Variants in DPP9 observed in about 807,000 individuals in gnomAD.
DPP9 encodes dipeptidyl peptidase 9, also known as dipeptidyl peptidase IV-related protein-2.
In DPP9, 50 loss-of-function variants were observed where a neutral mutation model predicts 110.7. The ratio of observed to expected loss-of-function variants is 0.45; its 90% confidence interval spans 0.36 to 0.57. The LOEUF is 0.57. DPP9 is among the 20% of genes least tolerant of loss of function. The pLI is 0.00. For synonymous variants in DPP9, 561 were observed against 514.4 expected, an observed-to-expected ratio of 1.09 and a Z score of -1.23; for missense variants, 1,022 against 1,217.9, an observed-to-expected ratio of 0.84 and a Z score of 2.39.
chr19:4,684,544 G>A lies in DPP9; in HGVS notation c.2178+119C>T. ...GCCTCATTGAGCCTGCGTCACCCCA[G>A]CCAGAAGTGCCCTTCTGCGGGTGGT... On this transcript the variant is annotated intron_variant, in intron 18 of 21. Transcript: ENST00000262960. The surrounding 1 kb of genome is among the most constrained non-coding windows in gnomAD (Gnocchi z 4.8). 8.3e-7 allele frequency: 1 copy of A among 1,207,606 alleles called. No individual in the cohort carries two copies. The highest frequency in any genetic ancestry group is 2.5e-5 in the Admixed American group (1 of 40,142). The allele number at this position is 1,207,606 out of a possible 1,614,324, so 74.8% of individuals were successfully genotyped here. A position where few individuals can be genotyped will look rare whatever the true frequency, so the allele number is the denominator to read the frequency against.
chr19:4,686,092 T>C (rs1440315205), intron 16 of DPP9: 9 of 209,458 alleles, frequency 4.3e-5, no homozygotes, highest in East Asian at 2.3e-4. Context: ...ATTAGGATGG[T>C]GGGGGTTTTT....
Position 4,676,218 on chromosome 19 carries a change from A to C in DPP9, c.*346T>G, listed in dbSNP as rs2088818298. 7.3e-6 allele frequency: 2 copies of C among 273,484 alleles called. No individual in the cohort carries two copies. The highest frequency in any genetic ancestry group is 1.4e-5 in the Non-Finnish European group (2 of 142,578). 16.9% of individuals were successfully genotyped at this position (273,484 alleles called of 1,614,324 possible). A position where few individuals can be genotyped will look rare whatever the true frequency, so the allele number is the denominator to read the frequency against. ...GCCAGGGGACTGAGAGGTCACAGGG[A>C]GCCCCAGGCGGAAGGCAGCCCGCTC... is the stretch of plus-strand genomic sequence containing the variant. On this transcript the variant is annotated 3_prime_UTR_variant, in exon 22 of 22. Transcript: ENST00000262960. This position sits in a 1 kb window ranked among gnomAD's most constrained non-coding sequence, Gnocchi z 4.0.
In DPP9 at chr19:4,702,674, G is replaced by T; in HGVS notation, c.812C>A (p.Ala271Asp). ...GAACTCTTCCTGTATGACGAAGGTGGCCACACCCGCAGACTTGGGGTCATC... is the reference window on the plus strand; with the variant it reads ...GAACTCTTCCTGTATGACGAAGGTGTCCACACCCGCAGACTTGGGGTCATC... ...VLDDPKSAGV[A>D]TFVIQEEFDR... Residue 271 changes from alanine (A) to aspartate (D), a missense_variant, in exon 8 of 22, where the codon GCC (alanine) becomes GAC (aspartate). Transcript: ENST00000262960. 6.2e-7 allele frequency: 1 copy of T among 1,602,400 alleles called. No homozygotes were observed. Among genetic ancestry groups the T allele is most frequent in the Non-Finnish European group, 8.5e-7 (1 of 1,174,962 alleles).
intron 3 of DPP9, among the ~76,000 whole-genome samples, chr19:4,716,419 T>C (rs572649901): frequency 5.6e-4 from 85 of 152,130 alleles, no homozygotes; most frequent in African/African-American, 1.6e-3. Flanking sequence ...AGGAGGATCA[T>C]GAGATCAGCA....
Position 4,688,824 on chromosome 19 carries a change from C to T in DPP9, c.1818G>A (p.Leu606=), listed in dbSNP as rs752867482. 2 of 1,499,926 alleles carry T rather than the reference C, an allele frequency of 1.3e-6. No individual in the cohort carries two copies. The highest frequency in any genetic ancestry group is 1.8e-6 in the Non-Finnish European group (2 of 1,135,568). 92.9% of individuals were successfully genotyped at this position (1,499,926 alleles called of 1,614,324 possible). The change falls in exon 16 of 22, where the codon CTG becomes CTA. Residue 606 remains leucine, a synonymous_variant. Coordinates refer to ENST00000262960, the MANE Select transcript of DPP9 (RefSeq NM_139159.5). ...STPPCVHVYK[L]SGPDDDPLHK... is the part of the protein sequence containing the mutation. ...GCAGGGGGTCGTCGTCGGGGCCGCT[C>T]AGCTTGTAGACGTGCACGCAGGGCG...
rs74585097 is a variant in DPP9, at chr19:4,718,424, G to A, written c.56+1427C>T. Reference sequence around the variant, plus strand: ...CCCTGGCTGGCGTGGGGCAAGGGGCGTATGGGGGTGGTGAGGACAGGGTCC... The same window carrying A: ...CCCTGGCTGGCGTGGGGCAAGGGGCATATGGGGGTGGTGAGGACAGGGTCC... On this transcript the variant is annotated intron_variant, in intron 3 of 21. Transcript: ENST00000262960. The surrounding 1 kb of genome is among the most constrained non-coding windows in gnomAD (Gnocchi z 4.3). Among the ~76,000 whole-genome samples the A allele has an allele frequency of 3.0e-3, 450 of 152,350 alleles. 1 individual carries two copies. Among genetic ancestry groups the A allele is most frequent in the African/African-American group, 0.01 (430 of 41,572 alleles).
rs2090411850 is a variant in DPP9, at chr19:4,684,624, A to G, written c.2178+39T>C. On this transcript the variant is annotated intron_variant, in intron 18 of 21. Coordinates refer to ENST00000262960, the MANE Select transcript of DPP9 (RefSeq NM_139159.5). The surrounding 1 kb of genome is among the most constrained non-coding windows in gnomAD (Gnocchi z 4.8). ...CACACGGCCCAGGGCTCCCTTCCCGAGACCCAAAGGACCCAGAGCAACAGG... is the reference window on the plus strand; with the variant it reads ...CACACGGCCCAGGGCTCCCTTCCCGGGACCCAAAGGACCCAGAGCAACAGG... 1.2e-6 allele frequency: 2 copies of G among 1,609,554 alleles called. No individual in the cohort carries two copies. Among genetic ancestry groups the G allele is most frequent in the East Asian group, 4.5e-5 (2 of 44,802 alleles).
rs904859764 is a variant in DPP9 at position 4,704,463 on chromosome 19, C to G, written c.427-159G>C. ...CTGGGCAGAATTGGCTGCCGGAGCC[C>G]TTGACACAGTGGGTGGCCAAAGATT... is the stretch of plus-strand genomic sequence containing the variant. On this transcript the variant is annotated intron_variant, in intron 5 of 21. Coordinates refer to ENST00000262960, the MANE Select transcript of DPP9 (RefSeq NM_139159.5). This position sits in a 1 kb window ranked among gnomAD's most constrained non-coding sequence, Gnocchi z 6.0. Among the ~76,000 whole-genome samples, 2 of 152,188 alleles carry G rather than the reference C, an allele frequency of 1.3e-5. No homozygotes were observed. Among genetic ancestry groups the G allele is most frequent in the Non-Finnish European group, 2.9e-5 (2 of 68,012 alleles).
At chr19:4,720,242 T>C (rs1017232270) in intron 2 of DPP9, among the ~76,000 whole-genome samples, 6 of 152,156 alleles carry the variant, frequency 3.9e-5, no homozygotes, top group Admixed American at 2.6e-4. Context: ...CTGCTGGAAA[T>C]AGAAGAATCC....
At position 4,718,677 on chromosome 19, in the gene DPP9, A is replaced by C. The variant is rs920872203; in HGVS notation, c.56+1174T>G. On this transcript the variant is annotated intron_variant, in intron 3 of 21. Coordinates refer to ENST00000262960, the MANE Select transcript of DPP9 (RefSeq NM_139159.5). The surrounding 1 kb of genome is among the most constrained non-coding windows in gnomAD (Gnocchi z 4.3). Reference sequence around the variant, plus strand: ...GACATTAAGTGTGTGCAGATAAGGGAAGGGACACAGATCCCCTTCAGTAAC... The same window carrying C: ...GACATTAAGTGTGTGCAGATAAGGGCAGGGACACAGATCCCCTTCAGTAAC... Among the ~76,000 whole-genome samples, 2 of 152,172 alleles carry C rather than the reference A, an allele frequency of 1.3e-5. No individual in the cohort carries two copies. Among genetic ancestry groups the C allele is most frequent in the African/African-American group, 2.4e-5 (1 of 41,450 alleles).
intron 19 of DPP9, 192 bp from the exon 20 acceptor site, chr19:4,683,030 A>G (rs2090135971): frequency 1.3e-6 from 2 of 1,518,620 alleles, no homozygotes; most frequent in South Asian, 1.2e-5. Context: ...GGGGGTGGGC[A>G]GGGCGCCACA....
rs1223469780 is a variant in DPP9 at position 4,676,309 on chromosome 19, G to A, written c.*255C>T. 15 of 526,960 alleles carry A rather than the reference G, an allele frequency of 2.8e-5. No homozygotes were observed. The highest frequency in any genetic ancestry group is 1.3e-4 in the Admixed American group (4 of 31,334). The allele number at this position is 526,960 out of a possible 1,614,324, so 32.6% of individuals were successfully genotyped here. A position where few individuals can be genotyped will look rare whatever the true frequency, so the allele number is the denominator to read the frequency against. Reference sequence around the variant, plus strand: ...TGACCTCCTCCTCCCAGAAGGCGGGGAGAGGAGGGGCTGGCCCGAGACCAC... The same window carrying A: ...TGACCTCCTCCTCCCAGAAGGCGGGAAGAGGAGGGGCTGGCCCGAGACCAC... On this transcript the variant is annotated 3_prime_UTR_variant, in exon 22 of 22. Transcript: ENST00000262960. This position sits in a 1 kb window ranked among gnomAD's most constrained non-coding sequence, Gnocchi z 4.0.
In DPP9 at chr19:4,698,953, T is replaced by C. The variant is rs968988249; in HGVS notation, c.1074+1263A>G. On this transcript the variant is annotated intron_variant, in intron 10 of 21. Transcript: ENST00000262960. This position sits in a 1 kb window ranked among gnomAD's most constrained non-coding sequence, Gnocchi z 4.2. ...GCGGGCGGATCACGAGGTCAGGAGA[T>C]TGAGACCGTCCTGGCTAACACGGTG... Among the ~76,000 whole-genome samples, 1 of 151,830 alleles carries C rather than the reference T, an allele frequency of 6.6e-6. No homozygotes were observed. Among genetic ancestry groups the C allele is most frequent in the African/African-American group, 2.4e-5 (1 of 41,302 alleles).
chr19:4,722,894 G>T (rs2093383517), intron 1 of DPP9: 1 of 281,216 alleles, frequency 3.6e-6, no homozygotes, highest in Non-Finnish European at 6.8e-6. Flanking sequence ...AAGACCAGGG[G>T]GTGGGGGCCA....
In DPP9 at chr19:4,694,863, G is replaced by A. The variant is rs765906808; in HGVS notation, c.1354-40C>T. The A allele has an allele frequency of 3.1e-6, 5 of 1,604,290 alleles. No homozygotes were observed. In the South Asian group the frequency reaches 3.3e-5, roughly 11 times the overall value. ...GATAGAAGATGCGTCAGAAGGTGTG[G>A]GTGGCCGGGCATGGTGGCTCACACC... On this transcript the variant is annotated intron_variant, in intron 12 of 21. Transcript: ENST00000262960. This position sits in a 1 kb window ranked among gnomAD's most constrained non-coding sequence, Gnocchi z 4.0.
At position 4,716,376 on chromosome 19, in the gene DPP9, G is replaced by A. The variant is rs148655867; in HGVS notation, c.57-2039C>T. Among the ~76,000 whole-genome samples, 1,051 of 152,296 alleles carry A rather than the reference G, an allele frequency of 6.9e-3. 12 individuals carry two copies. Among genetic ancestry groups the A allele is most frequent in the African/African-American group, 0.024 (995 of 41,566 alleles). On this transcript the variant is annotated intron_variant, in intron 3 of 21. Coordinates refer to ENST00000262960, the MANE Select transcript of DPP9 (RefSeq NM_139159.5). ...GACTTGGCCGGGCACAGTGGCTCAT[G>A]CCTGTAATCTCAGCACTTCGGGAGG...
Position 4,685,944 on chromosome 19 carries a change from T to C in DPP9, c.1886-173A>G, listed in dbSNP as rs2090640191. ...CGTTTTTTTTTCATTAAATAAGATT[T>C]GTACAGTTTTTGTAGAGATGGGGTC... On this transcript the variant is annotated intron_variant, in intron 16 of 21. Coordinates refer to ENST00000262960, the MANE Select transcript of DPP9 (RefSeq NM_139159.5). The surrounding 1 kb of genome is among the most constrained non-coding windows in gnomAD (Gnocchi z 5.8). 2 of 709,016 alleles carry C rather than the reference T, an allele frequency of 2.8e-6. No homozygotes were observed. The highest frequency in any genetic ancestry group is 3.0e-5 in the Admixed American group (1 of 32,906). The allele number at this position is 709,016 out of a possible 1,614,324, so 43.9% of individuals were successfully genotyped here. A position where few individuals can be genotyped will look rare whatever the true frequency, so the allele number is the denominator to read the frequency against.
intron 21 of DPP9, among the ~76,000 whole-genome samples, chr19:4,677,990 C>T (rs952107989): frequency 6.6e-6 from 1 of 152,242 alleles, no homozygotes; most frequent in African/African-American, 2.4e-5. Context: ...ATCTGTCCCA[C>T]ACAATGCCAT....
Position 4,684,819 on chromosome 19 carries a change from G to C in DPP9, c.2032-10C>G, listed in dbSNP as rs1483141696. On this transcript the variant is annotated splice_polypyrimidine_tract_variant and intron_variant, in intron 17 of 21. Coordinates refer to ENST00000262960, the MANE Select transcript of DPP9 (RefSeq NM_139159.5). This position sits in a 1 kb window ranked among gnomAD's most constrained non-coding sequence, Gnocchi z 4.8. ...TATTCACCAGCTGCACCTGTGGGGA[G>C]GTGAGGGCCAGCAGTCCAGCACGAG... 4.4e-6 allele frequency: 7 copies of C among 1,586,458 alleles called. No individual in the cohort carries two copies. The Admixed American group carries it at 1.1e-4, about 25-fold the overall frequency.
Sources: gnomAD v4.1 joint callset for allele counts (sites outside exome capture counted in the v4.1 genomes callset) on GRCh38, gnomAD v4.1.1 for gene constraint, Gnocchi (gnomAD v3.1) non-coding constraint, MANE v1.5 for transcripts, NCBI Gene and HGNC (gene_info 2026-07-23, HGNC 2026-07-21) for gene names.